The following FCHSD2 variants were observed in gnomAD, a reference collection of about 807,000 sequenced individuals.
The protein encoded by FCHSD2 is FCH and double SH3 domains 2.
Under a neutral mutation model 108.1 loss-of-function variants are expected in FCHSD2, and 38 were observed. The ratio of observed to expected loss-of-function variants is 0.35; its 90% CI spans 0.27 to 0.46. FCHSD2 has a LOEUF of 0.46. Ranked by LOEUF, FCHSD2 falls within the 20% of genes least tolerant of loss-of-function variation. The pLI is 1.00. For missense variants in FCHSD2, 751 were observed against 897.8 expected, an observed-to-expected ratio of 0.84 and a Z score of 2.09; for synonymous variants, 279 against 314.7, an observed-to-expected ratio of 0.89 and a Z score of 1.20.
At chr11:72,967,823 G>T (rs2135380927) in intron 8 of FCHSD2, among the ~76,000 whole-genome samples, 1 of 152,198 alleles carries the variant, frequency 6.6e-6, no homozygotes, top group East Asian at 1.9e-4. Context: ...GGGTGCGGGT[G>T]GCTCATGCCT....
intron 2 of FCHSD2, among the ~76,000 whole-genome samples, chr11:73,090,781 T>A (rs1329943779): frequency 6.6e-6 from 1 of 152,224 alleles, no homozygotes; most frequent in Non-Finnish European, 1.5e-5. Flanking sequence ...GAAATTCACA[T>A]AATATACAAT....
At chr11:73,004,996 A>G (rs781476140) in intron 4 of FCHSD2, among the ~76,000 whole-genome samples, 3 of 152,172 alleles carry the variant, frequency 2.0e-5, no homozygotes, top group Non-Finnish European at 4.4e-5. Context: ...CAATCCTCCT[A>G]TTACTTGCAC....
intron 3 of FCHSD2, among the ~76,000 whole-genome samples, chr11:73,020,679 CA>C (rs1413057444): frequency 4.7e-5 from 7 of 150,234 alleles, no homozygotes; most frequent in African/African-American, 1.8e-4. Flanking sequence ...ATTAAAAAAA[CA>C]GTATATTATT....
intron 3 of FCHSD2, among the ~76,000 whole-genome samples, chr11:73,067,708 G>GA (rs1045342464): frequency 3.5e-4 from 53 of 151,056 alleles, no homozygotes; most frequent in Admixed American, 2.2e-3. Flanking sequence ...TGAGCGGAAT[G>GA]AAAAAAAACA....
At chr11:72,967,408 A>G (rs1258286312) in intron 8 of FCHSD2, among the ~76,000 whole-genome samples, 1 of 152,192 alleles carries the variant, frequency 6.6e-6, no homozygotes, top group African/African-American at 2.4e-5. Context: ...ATCCATATCA[A>G]TATGACTATT....
At chr11:72,995,732 G>C (rs1272559449) in intron 5 of FCHSD2, among the ~76,000 whole-genome samples, 1 of 148,982 alleles carries the variant, frequency 6.7e-6, no homozygotes, top group African/African-American at 2.5e-5. Flanking sequence ...AAAGGAAGAA[G>C]TTAAAAGTAT....
intron 8 of FCHSD2, among the ~76,000 whole-genome samples, chr11:72,930,910 T>C (rs909910814): frequency 1.3e-5 from 2 of 152,106 alleles, no homozygotes; most frequent in Admixed American, 1.3e-4. Context: ...ATAATAATTG[T>C]ACATTTTAAA....
rs1276744620 is a variant in FCHSD2, at chr11:72,838,484, CT to C, written c.*306del. On this transcript the variant is annotated 3_prime_UTR_variant, in exon 20 of 20. Coordinates refer to ENST00000409418, the MANE Select transcript of FCHSD2 (RefSeq NM_014824.3). ...TAGGGACTGTGCCCTGGAATGAGGC[CT>C]GTTCTTGAGTCTCATATAAAAACAG... is the stretch of plus-strand genomic sequence containing the variant. 1 of 415,574 alleles carries C rather than the reference CT, an allele frequency of 2.4e-6. No individual in the cohort carries two copies. The highest frequency in any genetic ancestry group is 2.0e-5 in the African/African-American group (1 of 50,012). The allele number at this position is 415,574 out of a possible 1,614,324, so 25.7% of individuals were successfully genotyped here. A position where few individuals can be genotyped will look rare whatever the true frequency, so the allele number is the denominator to read the frequency against.
At chr11:73,018,880 T>C (rs543703438) in intron 3 of FCHSD2, among the ~76,000 whole-genome samples, 40 of 152,292 alleles carry the variant, frequency 2.6e-4, no homozygotes, top group African/African-American at 8.9e-4. Context: ...TTAAAAATAA[T>C]AGAAGTTTAT....
chr11:72,976,244 G>A (rs1397798414), intron 8 of FCHSD2, among the ~76,000 whole-genome samples: 1 of 152,114 alleles, frequency 6.6e-6, no homozygotes. Context: ...ATTTCTTGGG[G>A]AATCTGTCCA....
In FCHSD2 at chr11:72,967,882, G is replaced by A. The variant is rs183957437; in HGVS notation, c.705+16206C>T. On this transcript the variant is annotated intron_variant, in intron 8 of 19. Transcript: ENST00000409418. ...CGAGGCGGGCGGATCACGAGGTCAG[G>A]AGATTGAGACCATCCTGGCTAACGC... is the stretch of plus-strand genomic sequence containing the variant. 9.2e-5 allele frequency among the ~76,000 whole-genome samples: 14 copies of A among 151,960 alleles called. No homozygotes were observed. In the East Asian group the frequency reaches 2.7e-3, roughly 30 times the overall value.
At chr11:72,893,080 C>A (rs1287496687) in intron 10 of FCHSD2, among the ~76,000 whole-genome samples, 1 of 152,138 alleles carries the variant, frequency 6.6e-6, no homozygotes, top group Non-Finnish European at 1.5e-5. Context: ...CTCACTGCAA[C>A]CTCTGCCTCT....
At chr11:72,933,883 C>A (rs187733491) in intron 8 of FCHSD2, among the ~76,000 whole-genome samples, 1 of 151,874 alleles carries the variant, frequency 6.6e-6, no homozygotes, top group Non-Finnish European at 1.5e-5. Context: ...CTTAGGTGGG[C>A]GTATCACTTG....
chr11:73,031,607 T>C (rs1283222017), intron 3 of FCHSD2, among the ~76,000 whole-genome samples: 1 of 152,174 alleles, frequency 6.6e-6, no homozygotes, highest in Non-Finnish European at 1.5e-5. Context: ...CGATCTTCAC[T>C]TAAACTGAAT....
chr11:73,134,414 G>A (rs1861074711), intron 2 of FCHSD2, among the ~76,000 whole-genome samples: 1 of 152,138 alleles, frequency 6.6e-6, no homozygotes, highest in African/African-American at 2.4e-5. Flanking sequence ...AGGCTGCAGT[G>A]AGCCATGATC....
chr11:73,018,531 T>C, intron 3 of FCHSD2, among the ~76,000 whole-genome samples: 1 of 151,934 alleles, frequency 6.6e-6, no homozygotes, highest in East Asian at 1.9e-4. Flanking sequence ...TTTTTTTTTT[T>C]TTAATCATTA....
chr11:73,098,817 A>G (rs1860150569), intron 2 of FCHSD2, among the ~76,000 whole-genome samples: 1 of 152,234 alleles, frequency 6.6e-6, no homozygotes, highest in Non-Finnish European at 1.5e-5. Context: ...TCTTAAAGGA[A>G]AACACAGGGG....
intron 3 of FCHSD2, among the ~76,000 whole-genome samples, chr11:73,040,180 G>A (rs958820423): frequency 6.6e-6 from 1 of 152,190 alleles, no homozygotes; most frequent in East Asian, 1.9e-4. Flanking sequence ...GCAGCTCTGT[G>A]TCAGCAGCCC....
chr11:72,937,445 T>C (rs764926891), intron 8 of FCHSD2, among the ~76,000 whole-genome samples: 1 of 152,212 alleles, frequency 6.6e-6, no homozygotes, highest in African/African-American at 2.4e-5. Context: ...GTAAACAATA[T>C]CTCTGATGCT....
Sources: gnomAD v4.1 joint callset for allele counts (sites outside exome capture counted in the v4.1 genomes callset) on GRCh38, gnomAD v4.1.1 for gene constraint, MANE v1.5 for transcripts, NCBI Gene and HGNC (gene_info 2026-07-23, HGNC 2026-07-21) for gene names.